The following ADAMTS6 variants were observed in gnomAD, a reference collection of about 807,000 sequenced individuals.
ADAMTS6 encodes ADAM metallopeptidase with thrombospondin type 1 motif 6.
Under a neutral mutation model 144.3 loss-of-function variants are expected in ADAMTS6, and 23 were observed. That is an observed-to-expected ratio of 0.16 (90% confidence interval 0.11 to 0.23). The LOEUF is 0.23. Among genes scored for constraint, ADAMTS6 ranks in the 10% least tolerant of loss-of-function variants. ADAMTS6 has a pLI of 1.00. For missense variants in ADAMTS6, 999 were observed against 1,379.6 expected, an observed-to-expected ratio of 0.72 and a Z score of 4.37; for synonymous variants, 444 against 457.5, an observed-to-expected ratio of 0.97 and a Z score of 0.38.
intron 22 of ADAMTS6, among the ~76,000 whole-genome samples, chr5:65,187,495 T>A (rs1429596830): frequency 6.6e-6 from 1 of 152,164 alleles, no homozygotes; most frequent in East Asian, 1.9e-4. Context: ...AATATATAGA[T>A]AGGTCGTAAG....
At chr5:65,415,121 A>G (rs1021894054) in intron 7 of ADAMTS6, among the ~76,000 whole-genome samples, 1 of 152,228 alleles carries the variant, frequency 6.6e-6, no homozygotes, top group Non-Finnish European at 1.5e-5. Context: ...TTAAAAAACT[A>G]TTACAAGTGA....
At chr5:65,376,407 C>T (rs868656089) in intron 7 of ADAMTS6, among the ~76,000 whole-genome samples, 5 of 151,602 alleles carry the variant, frequency 3.3e-5, no homozygotes, top group Admixed American at 1.3e-4. Flanking sequence ...GCCAAAATTG[C>T]GCCACTGCAG....
At chr5:65,210,829 G>C (rs1298322503) in intron 20 of ADAMTS6, 4 of 434,496 alleles carry the variant, frequency 9.2e-6, no homozygotes, top group Non-Finnish European at 1.7e-5. Flanking sequence ...AGACATGATG[G>C]GGAAGATGTA....
At chr5:65,354,870 G>A (rs1424729303) in intron 7 of ADAMTS6, among the ~76,000 whole-genome samples, 4 of 151,598 alleles carry the variant, frequency 2.6e-5, no homozygotes, top group African/African-American at 9.7e-5. Context: ...TTTCCTTGGA[G>A]GTCGCCAACC....
intron 9 of ADAMTS6, among the ~76,000 whole-genome samples, chr5:65,325,854 TAATA>T (rs1746115521): frequency 6.6e-6 from 1 of 152,164 alleles, no homozygotes; most frequent in African/African-American, 2.4e-5. Flanking sequence ...CAATCATGAT[TAATA>T]AATGAGTTAA....
At chr5:65,418,244 G>C (rs968391944) in intron 7 of ADAMTS6, among the ~76,000 whole-genome samples, 2 of 152,094 alleles carry the variant, frequency 1.3e-5, no homozygotes, top group African/African-American at 2.4e-5. Flanking sequence ...TTAAATGTAA[G>C]ACCTCAAATT....
chr5:65,273,205 C>T, intron 12 of ADAMTS6, 135 bp downstream of exon 12: 1 of 735,314 alleles, frequency 1.4e-6, no homozygotes, highest in Non-Finnish European at 2.3e-6. Context: ...GACAATTAAC[C>T]TATTGTTCTA....
At chr5:65,430,494 G>T (rs1369682466) in intron 7 of ADAMTS6, among the ~76,000 whole-genome samples, 1 of 152,090 alleles carries the variant, frequency 6.6e-6, no homozygotes, top group Non-Finnish European at 1.5e-5. Context: ...GACACTACTG[G>T]ATTATTCTTT....
At chr5:65,405,822 T>A (rs1486883791) in intron 7 of ADAMTS6, among the ~76,000 whole-genome samples, 1 of 152,202 alleles carries the variant, frequency 6.6e-6, no homozygotes, top group Non-Finnish European at 1.5e-5. Context: ...TTTATTTCAC[T>A]GAGCAGTGGT....
chr5:65,247,588 A>G (rs1437877500), intron 14 of ADAMTS6, among the ~76,000 whole-genome samples: 1 of 152,152 alleles, frequency 6.6e-6, no homozygotes, highest in Non-Finnish European at 1.5e-5. Flanking sequence ...GAAAATGAGG[A>G]AAATTCTGAA....
intron 10 of ADAMTS6, among the ~76,000 whole-genome samples, chr5:65,295,082 T>C (rs1313888843): frequency 6.6e-6 from 1 of 152,168 alleles, no homozygotes; most frequent in Non-Finnish European, 1.5e-5. Context: ...ATATTCCATT[T>C]ATAAGTATGT....
chr5:65,376,635 A>T (rs565563095), intron 7 of ADAMTS6, among the ~76,000 whole-genome samples: 2 of 152,234 alleles, frequency 1.3e-5, no homozygotes, highest in East Asian at 3.9e-4. Context: ...ATTCAAGACT[A>T]TCCTGAGCAA....
At position 65,240,227 on chromosome 5, in the gene ADAMTS6, C is replaced by G. The variant is rs560913969; in HGVS notation, c.1933+1877G>C. On this transcript the variant is annotated intron_variant, in intron 15 of 24. Coordinates refer to ENST00000381055, the MANE Select transcript of ADAMTS6 (RefSeq NM_197941.4). ...CCAAGTGATTCTCCCGCCTCAGCCTCCCAAGTAGCTGGGCTTACAGGTGTC... is the reference window on the plus strand; with the variant it reads ...CCAAGTGATTCTCCCGCCTCAGCCTGCCAAGTAGCTGGGCTTACAGGTGTC... 1.1e-4 allele frequency among the ~76,000 whole-genome samples: 17 copies of G among 152,120 alleles called. No individual in the cohort carries two copies. The South Asian group carries it at 3.5e-3, about 32-fold the overall frequency.
intron 6 of ADAMTS6, 124 bp from the exon 7 acceptor site, chr5:65,451,744 A>G (rs1427480274): frequency 1.8e-6 from 2 of 1,136,294 alleles, no homozygotes; most frequent in African/African-American, 3.2e-5. Flanking sequence ...TCTCTTGCCA[A>G]TTTTTATCTC....
intron 7 of ADAMTS6, among the ~76,000 whole-genome samples, chr5:65,437,680 T>C (rs1757549762): frequency 6.6e-6 from 1 of 152,268 alleles, no homozygotes; most frequent in Admixed American, 6.5e-5. Context: ...AAGAGTATAG[T>C]ATTTGCATGT....
intron 11 of ADAMTS6, among the ~76,000 whole-genome samples, chr5:65,276,189 G>T (rs542709584): frequency 6.6e-6 from 1 of 152,242 alleles, no homozygotes; most frequent in South Asian, 2.1e-4. Context: ...TCACAATAGA[G>T]CCCTCTTACC....
intron 7 of ADAMTS6, among the ~76,000 whole-genome samples, chr5:65,383,777 G>C (rs957191829): frequency 6.6e-6 from 1 of 152,094 alleles, no homozygotes; most frequent in African/African-American, 2.4e-5. Flanking sequence ...CATTGCCCTA[G>C]TGGGGGCCCT....
At chr5:65,286,605 A>G (rs1485687248) in intron 11 of ADAMTS6, among the ~76,000 whole-genome samples, 1 of 152,260 alleles carries the variant, frequency 6.6e-6, no homozygotes, top group East Asian at 1.9e-4. Context: ...CTACCTGTAG[A>G]TGAACAATCA....
chr5:65,432,803 G>T (rs1275022192), intron 7 of ADAMTS6, among the ~76,000 whole-genome samples: 6 of 151,866 alleles, frequency 4.0e-5, no homozygotes, highest in Admixed American at 3.9e-4. Context: ...CCTCCCCTTT[G>T]TTCACTACAT....
Sources: allele counts gnomAD v4.1 joint callset (sites outside exome capture counted in the v4.1 genomes callset), GRCh38; gene constraint gnomAD v4.1.1; transcripts MANE v1.5; gene names NCBI Gene and HGNC (gene_info 2026-07-23, HGNC 2026-07-21).